FHIP1A: variants seen among roughly 807,000 people sequenced by gnomAD.
FHIP1A encodes FHF complex subunit HOOK interacting protein 1A.
FHIP1A carries 61 observed loss-of-function variants against 88.6 expected under a neutral mutation model. The observed-to-expected ratio is 0.69, with a 90% confidence interval of 0.56 to 0.85. The LOEUF (loss-of-function observed/expected upper bound fraction) is 0.85, where lower values mean the gene tolerates loss of function less well. Among genes scored for constraint, FHIP1A ranks in the 40% least tolerant of loss-of-function variants. The pLI, the probability that FHIP1A is intolerant of heterozygous loss-of-function variation, is 0.00. For missense variants in FHIP1A, 1,154 were observed against 1,273.5 expected (o/e 0.91, Z 1.43); for synonymous variants, 478 against 496.0 (o/e 0.96, Z 0.48).
At chr4:151,652,594 C>G (rs1403936662) in intron 11 of FHIP1A, among the ~76,000 whole-genome samples, 1 of 152,192 alleles carries the variant, frequency 6.6e-6, no homozygotes, top group African/African-American at 2.4e-5. Context: ...TTAGAGGAGA[C>G]CCCAACAAAG....
chr4:151,545,006 G>A (rs184762380), intron 3 of FHIP1A, among the ~76,000 whole-genome samples: 3 of 152,110 alleles, frequency 2.0e-5, no homozygotes, highest in Non-Finnish European at 2.9e-5. Context: ...GCCCTGGAGG[G>A]CAAAGCTTTA....
In FHIP1A at chr4:151,666,431, T is replaced by C. The variant is rs569714670; in HGVS notation, c.*3677T>C. Among the ~76,000 whole-genome samples the C allele has an allele frequency of 2.6e-5, 4 of 152,330 alleles. No individual in the cohort carries two copies. In the South Asian group the frequency reaches 6.2e-4, roughly 24 times the overall value. ...AGGTAGGACGCATTCGGTATTTTTA[T>C]AGGTCATCAGGAGTACCCTTTCCTT... On this transcript the variant is annotated 3_prime_UTR_variant, in exon 14 of 14. Transcript: ENST00000435205.
chr4:151,579,069 A>T (rs1288367328), intron 5 of FHIP1A, among the ~76,000 whole-genome samples: 1 of 151,696 alleles, frequency 6.6e-6, no homozygotes. Flanking sequence ...CAGTAAAAAG[A>T]TCATTTTTTT....
chr4:151,549,658 G>A (rs1233732966), intron 3 of FHIP1A, among the ~76,000 whole-genome samples: 1 of 152,054 alleles, frequency 6.6e-6, no homozygotes, highest in East Asian at 1.9e-4. Flanking sequence ...GCCACCCTCA[G>A]GGCTGCTCTG....
intron 2 of FHIP1A, among the ~76,000 whole-genome samples, chr4:151,468,529 G>A (rs1479848856): frequency 6.6e-6 from 1 of 152,100 alleles, no homozygotes; most frequent in Non-Finnish European, 1.5e-5. Context: ...TGGAAACTCA[G>A]TATTTTTTTC....
chr4:151,559,037 C>A (rs941096832), intron 3 of FHIP1A, among the ~76,000 whole-genome samples: 1 of 152,168 alleles, frequency 6.6e-6, no homozygotes, highest in Non-Finnish European at 1.5e-5. Context: ...AACAACTCTT[C>A]TAGGTACAGA....
intron 2 of FHIP1A, among the ~76,000 whole-genome samples, chr4:151,456,553 C>T (rs906892896): frequency 1.3e-5 from 2 of 152,082 alleles, no homozygotes; most frequent in Admixed American, 1.3e-4. Context: ...TGGAAATGTA[C>T]CCTGATCCAC....
At chr4:151,564,332 T>A (rs1296686542) in intron 3 of FHIP1A, among the ~76,000 whole-genome samples, 1 of 152,194 alleles carries the variant, frequency 6.6e-6, no homozygotes, top group Non-Finnish European at 1.5e-5. Context: ...GCCTTGACAT[T>A]TTCACAGAAA....
chr4:151,607,980 C>T (rs1354947977), intron 7 of FHIP1A, among the ~76,000 whole-genome samples: 2 of 151,060 alleles, frequency 1.3e-5, no homozygotes, highest in African/African-American at 2.4e-5. Flanking sequence ...CATTATTTCA[C>T]AGCCAGCATC....
intron 1 of FHIP1A, among the ~76,000 whole-genome samples, chr4:151,417,005 A>C (rs1399480859): frequency 6.6e-6 from 1 of 152,078 alleles, no homozygotes; most frequent in East Asian, 1.9e-4. Flanking sequence ...GGCTGGTCTT[A>C]AACTCCCCGG....
chr4:151,604,586 C>T (rs1232240133), intron 7 of FHIP1A, among the ~76,000 whole-genome samples: 13 of 152,124 alleles, frequency 8.5e-5, no homozygotes, highest in African/African-American at 2.4e-4. Context: ...TGGTGGCTCA[C>T]GCCTGTAATC....
chr4:151,535,541 A>G (rs532439172), intron 3 of FHIP1A, among the ~76,000 whole-genome samples: 1 of 152,366 alleles, frequency 6.6e-6, no homozygotes, highest in East Asian at 1.9e-4. Flanking sequence ...CTATGTGTAT[A>G]TCTATGTGCA....
intron 3 of FHIP1A, among the ~76,000 whole-genome samples, chr4:151,535,553 A>G (rs1212872099): frequency 6.6e-6 from 1 of 152,186 alleles, no homozygotes; most frequent in Non-Finnish European, 1.5e-5. Context: ...CTATGTGCAT[A>G]TGTGTATGTA....
chr4:151,556,784 A>T (rs1348915580), intron 3 of FHIP1A, among the ~76,000 whole-genome samples: 1 of 152,172 alleles, frequency 6.6e-6, no homozygotes, highest in Non-Finnish European at 1.5e-5. Context: ...TTATAGATGT[A>T]TACCTACTGT....
chr4:151,542,398 G>A (rs767593766), intron 3 of FHIP1A, among the ~76,000 whole-genome samples: 3 of 151,978 alleles, frequency 2.0e-5, no homozygotes, highest in Non-Finnish European at 4.4e-5. Flanking sequence ...GTATTTGTAA[G>A]CTCTCTTAAT....
chr4:151,449,597 C>T (rs527411053), intron 1 of FHIP1A, among the ~76,000 whole-genome samples: 1 of 152,224 alleles, frequency 6.6e-6, no homozygotes, highest in South Asian at 2.1e-4. Flanking sequence ...TAACCATAGT[C>T]ACCCCACTGT....
At chr4:151,475,496 T>C (rs1729665418) in intron 2 of FHIP1A, among the ~76,000 whole-genome samples, 1 of 152,140 alleles carries the variant, frequency 6.6e-6, no homozygotes, top group Non-Finnish European at 1.5e-5. Flanking sequence ...AGGAGGATGA[T>C]ATATGAGGAT....
intron 3 of FHIP1A, among the ~76,000 whole-genome samples, chr4:151,483,304 T>G (rs1274709945): frequency 6.6e-6 from 1 of 151,218 alleles, no homozygotes; most frequent in Non-Finnish European, 1.5e-5. Context: ...ATGATCTTCT[T>G]GTGGGGGTGG....
chr4:151,605,002 G>A (rs1735018944), intron 7 of FHIP1A, among the ~76,000 whole-genome samples: 1 of 152,172 alleles, frequency 6.6e-6, no homozygotes, highest in Non-Finnish European at 1.5e-5. Flanking sequence ...AATTGGTTTT[G>A]TCATTAGCTT....
Sources: gnomAD v4.1 joint callset for allele counts (sites outside exome capture counted in the v4.1 genomes callset) on GRCh38, gnomAD v4.1.1 for gene constraint, MANE v1.5 for transcripts, NCBI Gene and HGNC (gene_info 2026-07-23, HGNC 2026-07-21) for gene names.